GOLGA5: variants seen among roughly 807,000 people sequenced by gnomAD.
The protein encoded by GOLGA5 is golgin A5.
GOLGA5 carries 50 observed loss-of-function variants against 93.5 expected under a neutral mutation model. The observed-to-expected ratio is 0.53, with a 90% CI of 0.43 to 0.68. The LOEUF (loss-of-function observed/expected upper bound fraction) is 0.68. Among genes scored for constraint, GOLGA5 ranks in the 30% least tolerant of loss-of-function variants. The probability of loss-of-function intolerance (pLI) is 0.00; values close to 1 mark genes in which losing one functional copy is unlikely to be tolerated. For synonymous variants in GOLGA5, 312 were observed against 304.5 expected, an observed-to-expected ratio of 1.02 and a Z score of -0.26; for missense variants, 760 against 856.4, an observed-to-expected ratio of 0.89 and a Z score of 1.40.
chr14:92,824,586 A>G lies in GOLGA5; in HGVS notation c.1661A>G (p.Asn554Ser), dbSNP rs1885378393. The G allele has an allele frequency of 1.2e-6, 2 of 1,606,108 alleles. No individual in the cohort carries two copies. The highest frequency in any genetic ancestry group is 4.5e-5 in the East Asian group (2 of 44,606). Residue 554 changes from asparagine to serine, a missense_variant, in exon 9 of 13, where the codon AAC (asparagine) becomes AGC (serine). Asn to Ser is a conservative substitution (Grantham distance 46). Coordinates refer to ENST00000163416, the MANE Select transcript of GOLGA5 (RefSeq NM_005113.4). Reference sequence around the variant, plus strand: ...GAAGAAGATCTTTATCGAACAAAGAACACATTGCAAAGCAGAATTAAAGAT... The same window carrying G: ...GAAGAAGATCTTTATCGAACAAAGAGCACATTGCAAAGCAGAATTAAAGAT... ...YIEEDLYRTK[N>S]TLQSRIKDRD...
At chr14:92,821,046 C>T (rs193145555) in intron 8 of GOLGA5, among the ~76,000 whole-genome samples, 398 of 152,278 alleles carry the variant, frequency 2.6e-3, no homozygotes, top group African/African-American at 8.9e-3. Flanking sequence ...TGGCACTTGC[C>T]TGGTACAACT....
At chr14:92,833,055 T>C (rs1885562476) in intron 9 of GOLGA5, 67 bp from the exon 10 acceptor site, 2 of 839,192 alleles carry the variant, frequency 2.4e-6, no homozygotes, top group Non-Finnish European at 4.1e-6. Context: ...GAAAATGTAG[T>C]AGTGTGATTT....
intron 6 of GOLGA5, among the ~76,000 whole-genome samples, chr14:92,813,183 C>A (rs1342588951): frequency 2.6e-5 from 4 of 152,066 alleles, no homozygotes; most frequent in African/African-American, 7.2e-5. Flanking sequence ...TCAAACTCTT[C>A]TTTCTAAGTA....
At chr14:92,832,965 C>T (rs1244451708) in intron 9 of GOLGA5, among the ~76,000 whole-genome samples, 157 bp from the exon 10 acceptor site, 3 of 152,080 alleles carry the variant, frequency 2.0e-5, no homozygotes, top group Admixed American at 6.5e-5. Flanking sequence ...TTTCATGACC[C>T]CAGTTTTTGA....
At chr14:92,835,824 T>G (rs1404050932) in intron 11 of GOLGA5, among the ~76,000 whole-genome samples, 160 bp downstream of exon 11, 6 of 152,206 alleles carry the variant, frequency 3.9e-5, no homozygotes, top group Admixed American at 6.5e-5. Flanking sequence ...TATTTCACAG[T>G]TATATTACAC....
intron 2 of GOLGA5, among the ~76,000 whole-genome samples, chr14:92,802,513 A>G (rs1884895299): frequency 6.6e-6 from 1 of 151,966 alleles, no homozygotes; most frequent in Non-Finnish European, 1.5e-5. Flanking sequence ...CTCAACGACC[A>G]GTTTTGTATC....
At chr14:92,813,839 C>G (rs1428084760) in intron 6 of GOLGA5, among the ~76,000 whole-genome samples, 1 of 151,932 alleles carries the variant, frequency 6.6e-6, no homozygotes, top group African/African-American at 2.4e-5. Flanking sequence ...ATAATGAGGA[C>G]CTGATCAAAG....
In GOLGA5 at chr14:92,804,655, C is replaced by CTT. The variant is rs765326844; in HGVS notation, c.545-2063_545-2062dup. On this transcript the variant is annotated intron_variant, in intron 2 of 12. Transcript: ENST00000163416. Reference sequence around the variant, plus strand: ...ACCTTAAAAATGTAATAATTTCTTTCTTTTTTTTTTTTTTTTTTTGAGACA... The same window carrying CTT: ...ACCTTAAAAATGTAATAATTTCTTTCTTTTTTTTTTTTTTTTTTTTTGAGACA... 1.0e-3 allele frequency among the ~76,000 whole-genome samples: 115 copies of CTT among 114,290 alleles called. 1 individual carries two copies. Among genetic ancestry groups the CTT allele is most frequent in the African/African-American group, 3.1e-3 (91 of 29,014 alleles). The allele number at this position is 114,290 out of a possible 152,430, so 75.0% of individuals were successfully genotyped here. A position where few individuals can be genotyped will look rare whatever the true frequency, so the allele number is the denominator to read the frequency against.
intron 10 of GOLGA5, among the ~76,000 whole-genome samples, chr14:92,834,686 T>C (rs1336743933): frequency 6.6e-6 from 1 of 152,184 alleles, no homozygotes; most frequent in East Asian, 1.9e-4. Context: ...CGTTGAGGCC[T>C]GTATGGGGAC....
At chr14:92,799,582 C>T (rs1884822568) in intron 2 of GOLGA5, among the ~76,000 whole-genome samples, 1 of 151,032 alleles carries the variant, frequency 6.6e-6, no homozygotes, top group South Asian at 2.1e-4. Context: ...CTGTGCCTGG[C>T]CTTTTTTAAT....
At chr14:92,806,083 C>T (rs1884979518) in intron 2 of GOLGA5, among the ~76,000 whole-genome samples, 1 of 151,350 alleles carries the variant, frequency 6.6e-6, no homozygotes, top group Admixed American at 6.6e-5. Flanking sequence ...GTATTTGAGA[C>T]TTCTCCTGGT....
intron 11 of GOLGA5, 42 bp from the exon 12 acceptor site, chr14:92,837,344 A>T (rs927414865): frequency 3.2e-6 from 3 of 939,194 alleles, no homozygotes; most frequent in African/African-American, 3.3e-5. Flanking sequence ...TTTGACTGTG[A>T]CTCTTCTCTC....
chr14:92,838,531 C>T (rs1055438528), intron 12 of GOLGA5, among the ~76,000 whole-genome samples: 5 of 152,076 alleles, frequency 3.3e-5, no homozygotes, highest in Non-Finnish European at 7.4e-5. Flanking sequence ...CTGCACCTAG[C>T]GAATTTTTCT....
In GOLGA5 at chr14:92,797,805, T is replaced by G. The variant is rs1292387370; in HGVS notation, c.368T>G (p.Leu123Arg). 1 of 1,614,036 alleles carries G rather than the reference T, an allele frequency of 6.2e-7. No individual in the cohort carries two copies. The highest frequency in any genetic ancestry group is 2.2e-5 in the East Asian group (1 of 44,886). The change falls in exon 2 of 13, where the codon CTG becomes CGG. Residue 123 changes from leucine to arginine, a missense_variant. Transcript: ENST00000163416. ...RKKSEPDDEL[L>R]FDFLNSSQKE... ...AAGTCAGAACCTGATGATGAGCTGCTGTTTGATTTTCTTAATAGTTCACAG... is the reference window on the plus strand; with the variant it reads ...AAGTCAGAACCTGATGATGAGCTGCGGTTTGATTTTCTTAATAGTTCACAG...
At chr14:92,830,312 C>T (rs537098915) in intron 9 of GOLGA5, among the ~76,000 whole-genome samples, 3 of 152,090 alleles carry the variant, frequency 2.0e-5, no homozygotes, top group African/African-American at 7.2e-5. Flanking sequence ...AGCAAAACTC[C>T]GTCTCAAAAA....
At chr14:92,820,448 T>C (rs1176340456) in intron 8 of GOLGA5, among the ~76,000 whole-genome samples, 1 of 152,102 alleles carries the variant, frequency 6.6e-6, no homozygotes, top group Non-Finnish European at 1.5e-5. Flanking sequence ...TACAATCGGG[T>C]TTTATCCTGA....
At chr14:92,806,353 A>T (rs1884985728) in intron 2 of GOLGA5, among the ~76,000 whole-genome samples, 2 of 152,226 alleles carry the variant, frequency 1.3e-5, no homozygotes, top group South Asian at 4.1e-4. Flanking sequence ...TCTGTTGCCC[A>T]GGCTGGAGTG....
At chr14:92,815,699 CTTTT>C (rs571410551) in intron 6 of GOLGA5, among the ~76,000 whole-genome samples, 1 of 91,256 alleles carries the variant, frequency 1.1e-5, no homozygotes, top group African/African-American at 4.6e-5. Flanking sequence ...TTTTTTTAAT[CTTTT>C]TTTTTTTTTT....
At chr14:92,832,059 G>C (rs534955586) in intron 9 of GOLGA5, among the ~76,000 whole-genome samples, 1 of 152,286 alleles carries the variant, frequency 6.6e-6, no homozygotes, top group East Asian at 1.9e-4. Flanking sequence ...CAGTGTCATT[G>C]AGGAGGCAAA....
Sources: allele counts gnomAD v4.1 joint callset (sites outside exome capture counted in the v4.1 genomes callset), GRCh38; gene constraint gnomAD v4.1.1; transcripts MANE v1.5; gene names NCBI Gene and HGNC (gene_info 2026-07-23, HGNC 2026-07-21).